Variants in DNM3 observed in about 807,000 individuals in gnomAD.
DNM3 encodes the protein dynamin 3, also known as dynamin-3.
A neutral mutation model predicts 101.6 loss-of-function variants in DNM3; 47 were observed. The ratio of observed to expected loss-of-function variants is 0.46; its 90% CI spans 0.37 to 0.59. The LOEUF is 0.59. Among genes scored for constraint, DNM3 ranks in the 20% least tolerant of loss-of-function variants. The pLI, the probability that DNM3 is intolerant of heterozygous loss-of-function variation, is 0.00. For synonymous variants in DNM3, 385 were observed against 387.9 expected (o/e 0.99, Z 0.09); for missense variants, 849 against 1,085.7 (o/e 0.78, Z 3.06).
chr1:172,005,613 C>T (rs10797689), intron 4 of DNM3, among the ~76,000 whole-genome samples: 109,506 of 151,942 alleles, frequency 0.72, 40,841 homozygotes, highest in African/African-American at 0.92. Flanking sequence ...AAAAAGCAGC[C>T]GTGTTACCTA....
intron 15 of DNM3, among the ~76,000 whole-genome samples, chr1:172,279,171 G>A (rs2063395769): frequency 6.6e-6 from 1 of 152,110 alleles, no homozygotes; most frequent in Admixed American, 6.6e-5. Context: ...ATAATTGGAA[G>A]CATTTTTCAG....
chr1:171,973,945 A>AT (rs753283507), intron 2 of DNM3, among the ~76,000 whole-genome samples: 3 of 151,890 alleles, frequency 2.0e-5, no homozygotes, highest in Non-Finnish European at 4.4e-5. Flanking sequence ...GATTATAGGC[A>AT]TGAGCCACCA....
chr1:171,927,128 G>A (rs1014167840), intron 2 of DNM3, among the ~76,000 whole-genome samples: 1 of 152,168 alleles, frequency 6.6e-6, no homozygotes, highest in African/African-American at 2.4e-5. Flanking sequence ...AAGATGATGT[G>A]ATCACATGTA....
rs6669893 is a variant in DNM3, at chr1:172,159,415, C to T, written c.1659+28127C>T. Among the ~76,000 whole-genome samples the T allele has an allele frequency of 5.0e-3, 755 of 152,116 alleles. 9 individuals are homozygous for T. The highest frequency in any genetic ancestry group is 0.017 in the African/African-American group (709 of 41,538). ...ACTGCCGTGGTAAATATAGTCTGCT[C>T]CACCTAGAACTGAACTTATTTTCAT... On this transcript the variant is annotated intron_variant, in intron 14 of 20. Coordinates refer to ENST00000627582, the MANE Select transcript of DNM3 (RefSeq NM_015569.5).
chr1:172,282,150 A>G (rs796918523), intron 15 of DNM3, among the ~76,000 whole-genome samples: 66 of 152,286 alleles, frequency 4.3e-4, no homozygotes, highest in African/African-American at 1.5e-3. Context: ...GGGCAGAGCT[A>G]TGGAGGAGCT....
intron 13 of DNM3, among the ~76,000 whole-genome samples, chr1:172,119,415 C>T (rs72719073): frequency 0.28 from 43,285 of 151,964 alleles, 6,419 homozygotes; most frequent in East Asian, 0.46. Context: ...TTACGTTTGA[C>T]CTTTCAATCC....
intron 1 of DNM3, among the ~76,000 whole-genome samples, chr1:171,850,069 G>A (rs1222603436): frequency 6.6e-6 from 1 of 152,138 alleles, no homozygotes; most frequent in Non-Finnish European, 1.5e-5. Context: ...TGTAGAAGGG[G>A]GAAAAACAAT....
At chr1:171,998,492 A>G (rs2046151860) in intron 4 of DNM3, among the ~76,000 whole-genome samples, 1 of 152,128 alleles carries the variant, frequency 6.6e-6, no homozygotes, top group African/African-American at 2.4e-5. Context: ...ATTTTAAAAG[A>G]TTATTCTAGT....
chr1:172,032,400 A>T lies in DNM3; in HGVS notation c.590-2A>T. The T allele has an allele frequency of 6.2e-7, 1 of 1,609,122 alleles. No individual in the cohort carries two copies. The highest frequency in any genetic ancestry group is 1.7e-5 in the Admixed American group (1 of 59,802). ...GTAATGTTGGGTTTGTTTATGATGC[A>T]GGTCTGAGAACCATTGGAGTTATCA... On this transcript the variant is annotated splice_acceptor_variant, in intron 4 of 20. Transcript: ENST00000627582. LOFTEE classifies it high-confidence loss of function.
chr1:172,287,174 C>T (rs1027484264), intron 15 of DNM3, among the ~76,000 whole-genome samples: 2 of 152,152 alleles, frequency 1.3e-5, no homozygotes, highest in Non-Finnish European at 2.9e-5. Flanking sequence ...TCATCACTCC[C>T]GCATTTTCTA....
At chr1:172,227,317 T>C (rs1031447779) in intron 14 of DNM3, among the ~76,000 whole-genome samples, 6 of 138,126 alleles carry the variant, frequency 4.3e-5, no homozygotes, top group Non-Finnish European at 7.9e-5. Flanking sequence ...ACATTTTCTT[T>C]ATCCACTCGT....
At chr1:172,047,436 T>C (rs1161753949) in intron 9 of DNM3, among the ~76,000 whole-genome samples, 1 of 152,130 alleles carries the variant, frequency 6.6e-6, no homozygotes, top group Non-Finnish European at 1.5e-5. Context: ...AGGCCAAAAT[T>C]GTTAACAGGG....
rs188759679 is a variant in DNM3, at chr1:172,279,568, C to T, written c.1769+25886C>T. Among the ~76,000 whole-genome samples, 435 of 152,218 alleles carry T rather than the reference C, an allele frequency of 2.9e-3. 5 individuals carry two copies. The highest frequency in any genetic ancestry group is 3.6e-3 in the Non-Finnish European group (246 of 68,006). ...CTGATTACTCTTCTGGGCTTCAAATCTATATCCAGGCTTCTTCCTACCAAC... is the reference window on the plus strand; with the variant it reads ...CTGATTACTCTTCTGGGCTTCAAATTTATATCCAGGCTTCTTCCTACCAAC... On this transcript the variant is annotated intron_variant, in intron 15 of 20. Transcript: ENST00000627582.
chr1:172,205,253 C>T (rs2060284713), intron 14 of DNM3, among the ~76,000 whole-genome samples: 1 of 152,072 alleles, frequency 6.6e-6, no homozygotes, highest in Non-Finnish European at 1.5e-5. Flanking sequence ...TAGCCACCTC[C>T]TTGGAGAAGC....
chr1:171,968,711 C>T (rs572012082), intron 2 of DNM3, among the ~76,000 whole-genome samples: 7 of 152,078 alleles, frequency 4.6e-5, no homozygotes, highest in Non-Finnish European at 7.4e-5. Flanking sequence ...CCTCCTATAA[C>T]GGTCTTAAGG....
rs1242534831 is a variant in DNM3 at position 171,841,508 on chromosome 1, G to T, written c.-149G>T. On this transcript the variant is annotated 5_prime_UTR_variant, in exon 1 of 21. Transcript: ENST00000627582. ...GGGTCGTTAGCTGTCAGAGCCAAGC[G>T]GCGGGCTGGCGGCGGGCTCCGACGT... 2.6e-6 allele frequency: 3 copies of T among 1,137,320 alleles called. No homozygotes were observed. The African/African-American group carries it at 5.0e-5, about 19-fold the overall frequency. 70.5% of individuals were successfully genotyped at this position (1,137,320 alleles called of 1,614,324 possible).
intron 2 of DNM3, among the ~76,000 whole-genome samples, chr1:171,945,559 CAATGAGGA>C (rs2042119049): frequency 6.6e-6 from 1 of 152,050 alleles, no homozygotes; most frequent in South Asian, 2.1e-4. Flanking sequence ...CCTCATTCAA[CAATGAGGA>C]AATGGGGGAA....
At chr1:172,385,643 T>C (rs1213220034) in intron 18 of DNM3, among the ~76,000 whole-genome samples, 1 of 152,254 alleles carries the variant, frequency 6.6e-6, no homozygotes, top group East Asian at 1.9e-4. Flanking sequence ...CTTTAAAACA[T>C]AATGAAGCTA....
intron 1 of DNM3, among the ~76,000 whole-genome samples, chr1:171,863,932 C>T (rs1469876614): frequency 6.6e-6 from 1 of 152,200 alleles, no homozygotes; most frequent in Non-Finnish European, 1.5e-5. Context: ...TGAATGAGCT[C>T]TTTGAACACA....
Sources: allele counts gnomAD v4.1 joint callset (sites outside exome capture counted in the v4.1 genomes callset), GRCh38; gene constraint gnomAD v4.1.1; transcripts MANE v1.5; gene names NCBI Gene and HGNC (gene_info 2026-07-23, HGNC 2026-07-21).